Variants in SYNE1 observed in about 807,000 individuals in gnomAD.
The protein encoded by SYNE1 is spectrin repeat containing nuclear envelope protein 1, also known as nesprin-1.
In SYNE1, 616 loss-of-function variants were observed where a neutral mutation model predicts 1,111.0. The ratio of observed to expected loss-of-function variants is 0.55; its 90% confidence interval spans 0.52 to 0.59. The LOEUF (loss-of-function observed/expected upper bound fraction) is 0.59. Among genes scored for constraint, SYNE1 ranks in the 20% least tolerant of loss-of-function variants. SYNE1 has a pLI of 0.00. For missense variants in SYNE1, 10,006 were observed against 10,417.0 expected (o/e 0.96, Z 1.72); for synonymous variants, 3,855 against 3,825.8 (o/e 1.01, Z -0.28).
At chr6:152,591,972 A>G (rs1340384323) in intron 3 of SYNE1, among the ~76,000 whole-genome samples, 1 of 152,210 alleles carries the variant, frequency 6.6e-6, no homozygotes, top group Non-Finnish European at 1.5e-5. Context: ...ATAATGAGAT[A>G]CCATCTCACA....
Position 152,462,703 on chromosome 6 carries a change from A to G in SYNE1, c.2250+35T>C, listed in dbSNP as rs773174637. ...TTGCTGATCTTTCCTCTCACAACAG[A>G]GTAGGCTTTTCATTTTGATTCAGAA... On this transcript the variant is annotated intron_variant, in intron 20 of 145. Coordinates refer to ENST00000367255, the MANE Select transcript of SYNE1 (RefSeq NM_182961.4). 19 of 1,613,210 alleles carry G rather than the reference A, an allele frequency of 1.2e-5. No individual in the cohort carries two copies. The Admixed American group carries it at 3.2e-4, about 27-fold the overall frequency.
intron 30 of SYNE1, among the ~76,000 whole-genome samples, chr6:152,443,410 G>A (rs779068241): frequency 4.6e-5 from 7 of 151,966 alleles, no homozygotes; most frequent in East Asian, 1.9e-4. Context: ...GACCACAGGC[G>A]CCCACCACCA....
At chr6:152,555,920 A>G (rs1385298699) in intron 3 of SYNE1, among the ~76,000 whole-genome samples, 1 of 152,224 alleles carries the variant, frequency 6.6e-6, no homozygotes, top group Non-Finnish European at 1.5e-5. Context: ...GTTTCCTAAT[A>G]AGGAAAATGG....
intron 145 of SYNE1, among the ~76,000 whole-genome samples, chr6:152,123,757 GT>G (rs1238334732): frequency 6.6e-6 from 1 of 152,188 alleles, no homozygotes; most frequent in Non-Finnish European, 1.5e-5. Context: ...TTCCTTAAGA[GT>G]TTTAATATCA....
chr6:152,217,494 T>A (rs564149962), intron 121 of SYNE1, among the ~76,000 whole-genome samples: 1 of 152,230 alleles, frequency 6.6e-6, no homozygotes, highest in African/African-American at 2.4e-5. Flanking sequence ...TCACACAATG[T>A]GGAATGATTA....
At chr6:152,635,653 G>A (rs2099704762) in intron 2 of SYNE1, among the ~76,000 whole-genome samples, 1 of 152,142 alleles carries the variant, frequency 6.6e-6, no homozygotes, top group Non-Finnish European at 1.5e-5. Context: ...TACGAATGTT[G>A]TCTTTAGGAA....
At chr6:152,540,969 T>C (rs2099266607) in intron 3 of SYNE1, among the ~76,000 whole-genome samples, 1 of 152,202 alleles carries the variant, frequency 6.6e-6, no homozygotes, top group African/African-American at 2.4e-5. Flanking sequence ...GTTATAGCCT[T>C]GTAAGACCCT....
At chr6:152,359,870 A>G (rs2096902494) in intron 64 of SYNE1, among the ~76,000 whole-genome samples, 1 of 150,926 alleles carries the variant, frequency 6.6e-6, no homozygotes, top group Non-Finnish European at 1.5e-5. Flanking sequence ...GTCAACCCAG[A>G]ACATGGGAAT....
At chr6:152,144,427 AT>A (rs777446884) in intron 137 of SYNE1, 5 of 155,880 alleles carry the variant, frequency 3.2e-5, no homozygotes, top group African/African-American at 7.3e-5. Context: ...ATAGCCTAGA[AT>A]TCTGGCTCAT....
chr6:152,291,785 G>A lies in SYNE1; in HGVS notation c.18012+1803C>T, dbSNP rs115600481. On this transcript the variant is annotated intron_variant, in intron 95 of 145. Coordinates refer to ENST00000367255, the MANE Select transcript of SYNE1 (RefSeq NM_182961.4). Reference sequence around the variant, plus strand: ...AAGGTGGAGATGTCCTGAAGCTGGAGAGAGGGTCAAACTACTTAAACTTTC... The same window carrying A: ...AAGGTGGAGATGTCCTGAAGCTGGAAAGAGGGTCAAACTACTTAAACTTTC... Among the ~76,000 whole-genome samples, 1,117 of 152,318 alleles carry A rather than the reference G, an allele frequency of 7.3e-3. 14 individuals carry two copies. The highest frequency in any genetic ancestry group is 0.024 in the African/African-American group (1,018 of 41,578).
intron 3 of SYNE1, among the ~76,000 whole-genome samples, chr6:152,578,711 A>G (rs1353439552): frequency 6.6e-6 from 1 of 152,236 alleles, no homozygotes; most frequent in East Asian, 1.9e-4. Flanking sequence ...AACCCTATGA[A>G]GTCTATAACC....
intron 93 of SYNE1, among the ~76,000 whole-genome samples, chr6:152,295,964 G>A (rs542999536): frequency 7.9e-5 from 12 of 152,270 alleles, no homozygotes; most frequent in East Asian, 1.9e-4. Flanking sequence ...GTGACGGATC[G>A]TCACACGTGA....
intron 127 of SYNE1, among the ~76,000 whole-genome samples, chr6:152,194,065 T>A (rs774334446): frequency 1.3e-5 from 2 of 152,016 alleles, no homozygotes; most frequent in Admixed American, 1.3e-4. Context: ...GTTATAATAT[T>A]CTATGTTTTT....
intron 29 of SYNE1, among the ~76,000 whole-genome samples, chr6:152,446,598 A>C (rs1403797888): frequency 6.6e-6 from 1 of 152,164 alleles, no homozygotes; most frequent in African/African-American, 2.4e-5. Flanking sequence ...CTTTGTGGTC[A>C]TTTTCTTGTA....
At chr6:152,258,606 T>G (rs2091379384) in intron 101 of SYNE1, among the ~76,000 whole-genome samples, 1 of 152,192 alleles carries the variant, frequency 6.6e-6, no homozygotes, top group Admixed American at 6.5e-5. Flanking sequence ...CTGATCTCTT[T>G]GCTTTCATTA....
chr6:152,495,624 T>C lies in SYNE1; in HGVS notation c.939+3118A>G, dbSNP rs192594380. 1.8e-3 allele frequency among the ~76,000 whole-genome samples: 276 copies of C among 152,282 alleles called. 2 individuals carry two copies. The highest frequency in any genetic ancestry group is 6.3e-3 in the African/African-American group (262 of 41,560). On this transcript the variant is annotated intron_variant, in intron 11 of 145. Coordinates refer to ENST00000367255, the MANE Select transcript of SYNE1 (RefSeq NM_182961.4). ...TTCCGATTACCTGCTCCACCCTGAC[T>C]CATTCTGATTACCTGTTCCACCCTG...
rs1205399326 is a variant in SYNE1 at position 152,526,080 on chromosome 6, C to G, written c.225G>C (p.Leu75=). The G allele has an allele frequency of 1.2e-6, 2 of 1,613,756 alleles. No individual in the cohort carries two copies. The highest frequency in any genetic ancestry group is 4.5e-5 in the East Asian group (2 of 44,856). The change falls in exon 5 of 146, where the codon CTG becomes CTC. Residue 75 remains leucine (L), a splice_region_variant and synonymous_variant. Transcript: ENST00000367255. ...TATGATCACACAAAAAAATTCTTACCAGTTTCTGCCCAGACAGGACCTCCA... is the reference window on the plus strand; with the variant it reads ...TATGATCACACAAAAAAATTCTTACGAGTTTCTGCCCAGACAGGACCTCCA... The part of the protein sequence containing the change: ...ALLEVLSGQK[L]PCEQGRRMKR...
At position 152,450,699 on chromosome 6, in the gene SYNE1, C is replaced by A. The variant is rs2154250248; in HGVS notation, c.3321G>T (p.Glu1107Asp). The A allele has an allele frequency of 2.5e-6, 4 of 1,614,176 alleles. No individual in the cohort carries two copies. The highest frequency in any genetic ancestry group is 3.4e-6 in the Non-Finnish European group (4 of 1,180,038). ...AGGTGCTGTCAATGGCAGCTCTGAG[C>A]TCTTTGAGAGTCACGTGACAGGTTC... ...TPGTCHVTLK[E>D]LRAAIDSTYR... Residue 1107 changes from glutamate to aspartate, a missense_variant, in exon 27 of 146, where the codon GAG (glutamate) becomes GAT (aspartate). By Grantham distance (45) the Glu-to-Asp change is conservative (BLOSUM62 2). Coordinates refer to ENST00000367255, the MANE Select transcript of SYNE1 (RefSeq NM_182961.4).
At chr6:152,510,020 A>G (rs1389117568) in intron 8 of SYNE1, among the ~76,000 whole-genome samples, 173 bp downstream of exon 8, 1 of 152,246 alleles carries the variant, frequency 6.6e-6, no homozygotes, top group Non-Finnish European at 1.5e-5. Context: ...TTCCTAGAGT[A>G]TTAGTGGTGA....
Sources: gnomAD v4.1 joint callset for allele counts (sites outside exome capture counted in the v4.1 genomes callset) on GRCh38, gnomAD v4.1.1 for gene constraint, MANE v1.5 for transcripts, NCBI Gene and HGNC (gene_info 2026-07-23, HGNC 2026-07-21) for gene names.